The following RASEF variants were observed in gnomAD, a reference collection of about 807,000 sequenced individuals.
RASEF encodes the protein RAS and EF-hand domain containing.
Under a neutral mutation model 90.1 loss-of-function variants are expected in RASEF, and 68 were observed. The ratio of observed to expected loss-of-function variants is 0.75; its 90% CI spans 0.62 to 0.92. RASEF has a LOEUF of 0.92. Among genes scored for constraint, RASEF ranks in the 40% least tolerant of loss-of-function variants. RASEF has a pLI of 0.00. For missense variants in RASEF, 949 were observed against 937.2 expected (o/e 1.01, Z -0.16); for synonymous variants, 331 against 345.2 (o/e 0.96, Z 0.46).
intron 1 of RASEF, among the ~76,000 whole-genome samples, chr9:83,042,627 C>T (rs921486452): frequency 1.3e-5 from 2 of 151,974 alleles, no homozygotes; most frequent in Admixed American, 1.3e-4. Flanking sequence ...AAAAATGGAA[C>T]AGGAGTAAAA....
chr9:83,087,009 T>G, the RASEF span, among the ~76,000 whole-genome samples: 3 of 152,102 alleles, frequency 2.0e-5, no homozygotes, highest in African/African-American at 4.8e-5. Flanking sequence ...GGAAGTTGGC[T>G]GCGAAAAAGG....
At chr9:83,048,219 C>A (rs950183697) in intron 1 of RASEF, 1 of 985,154 alleles carries the variant, frequency 1.0e-6, no homozygotes, top group African/African-American at 1.7e-5. Flanking sequence ...TGACAGGGAC[C>A]GGCAGTCCTA....
chr9:83,020,396 A>G (rs1021037032), intron 3 of RASEF, among the ~76,000 whole-genome samples: 2 of 152,228 alleles, frequency 1.3e-5, no homozygotes, highest in African/African-American at 4.8e-5. Flanking sequence ...GTGGAATGGA[A>G]GGAAATGAGG....
the RASEF span, among the ~76,000 whole-genome samples, chr9:83,195,479 T>G: frequency 6.6e-6 from 1 of 152,130 alleles, no homozygotes; most frequent in East Asian, 1.9e-4. Flanking sequence ...AGTCAACCCA[T>G]CATTCACTCA....
At position 83,055,500 on chromosome 9, in the gene RASEF, G is replaced by A. The variant is rs770388080; in HGVS notation, c.431+6937C>T. 1.7e-4 allele frequency: 118 copies of A among 688,010 alleles called. 2 individuals carry two copies. Among genetic ancestry groups the A allele is most frequent in the Middle Eastern group, 1.2e-3 (5 of 4,276 alleles). The allele number at this position is 688,010 out of a possible 1,614,324, so 42.6% of individuals were successfully genotyped here. A position where few individuals can be genotyped will look rare whatever the true frequency, so the allele number is the denominator to read the frequency against. ...TCAGATGGAAATGCAGAAATCACCC[G>A]TCTTCTGCGTCGCTCACGCTGGGAG... is the stretch of plus-strand genomic sequence containing the variant. On this transcript the variant is annotated intron_variant, in intron 1 of 16. Transcript: ENST00000376447.
the RASEF span, among the ~76,000 whole-genome samples, chr9:83,074,841 C>A: frequency 6.6e-6 from 1 of 152,184 alleles, no homozygotes; most frequent in African/African-American, 2.4e-5. Flanking sequence ...TGCTAAGGAA[C>A]CTTCTTATTT....
intron 2 of RASEF, among the ~76,000 whole-genome samples, chr9:83,024,301 C>T (rs953933229): frequency 2.0e-5 from 3 of 152,098 alleles, no homozygotes; most frequent in African/African-American, 7.2e-5. Flanking sequence ...AGCAGCCTAG[C>T]TGGTAATGAG....
intron 2 of RASEF, among the ~76,000 whole-genome samples, chr9:83,023,781 C>T (rs541209858): frequency 6.6e-6 from 1 of 152,268 alleles, no homozygotes; most frequent in East Asian, 1.9e-4. Flanking sequence ...GGCACATATC[C>T]TTTCTCCCTC....
chr9:83,092,363 C>T, the RASEF span, among the ~76,000 whole-genome samples: 1 of 152,138 alleles, frequency 6.6e-6, no homozygotes, highest in African/African-American at 2.4e-5. Flanking sequence ...CTTAAGGTGG[C>T]GCATCTGGAG....
chr9:82,989,176 C>T (rs1279903142), intron 16 of RASEF, among the ~76,000 whole-genome samples: 2 of 152,068 alleles, frequency 1.3e-5, no homozygotes, highest in African/African-American at 2.4e-5. Context: ...TTATTAAGCA[C>T]TATAAATGCC....
At chr9:83,185,351 TTC>T in the RASEF span, among the ~76,000 whole-genome samples, 4 of 93,930 alleles carry the variant, frequency 4.3e-5, no homozygotes, top group South Asian at 8.1e-4. Flanking sequence ...CTTTCTTTCT[TTC>T]TTTTTTTTTT....
chr9:83,097,251 A>T, the RASEF span, among the ~76,000 whole-genome samples: 15 of 152,202 alleles, frequency 9.9e-5, no homozygotes, highest in Admixed American at 9.8e-4. Context: ...TCCCACCAAC[A>T]GTGTAAAAAT....
At chr9:83,077,957 G>T in the RASEF span, among the ~76,000 whole-genome samples, 1 of 152,158 alleles carries the variant, frequency 6.6e-6, no homozygotes, top group African/African-American at 2.4e-5. Context: ...ATCCCCTTAA[G>T]CAAATGTTTA....
the RASEF span, among the ~76,000 whole-genome samples, chr9:83,136,188 T>A: frequency 6.6e-6 from 1 of 152,130 alleles, no homozygotes; most frequent in Non-Finnish European, 1.5e-5. Flanking sequence ...TTGTCTTCTA[T>A]GAACTTATAG....
At chr9:83,191,161 AC>A in the RASEF span, among the ~76,000 whole-genome samples, 1 of 152,164 alleles carries the variant, frequency 6.6e-6, no homozygotes, top group Non-Finnish European at 1.5e-5. Context: ...TATCCCTGCT[AC>A]CTCAAAGAAG....
intron 1 of RASEF, among the ~76,000 whole-genome samples, chr9:83,041,283 G>C (rs1192963679): frequency 6.6e-6 from 1 of 152,104 alleles, no homozygotes. Flanking sequence ...TTATATATGT[G>C]ATATTATTTG....
upstream of RASEF, among the ~76,000 whole-genome samples, chr9:83,064,400 A>G (rs1456402432): frequency 6.6e-6 from 1 of 151,924 alleles, no homozygotes; most frequent in East Asian, 1.9e-4. Flanking sequence ...GAATCTTATC[A>G]TTAGTGCAAT....
At chr9:83,066,337 A>G (rs1022436071), upstream of RASEF, among the ~76,000 whole-genome samples, 1 of 152,194 alleles carries the variant, frequency 6.6e-6, no homozygotes, top group Admixed American at 6.5e-5. Context: ...TTGCATTGTG[A>G]CCTGCCACTC....
chr9:82,990,570 T>C (rs1828795204), intron 15 of RASEF, 103 bp from the exon 16 acceptor site: 6 of 743,196 alleles, frequency 8.1e-6, no homozygotes, highest in South Asian at 3.7e-5. Context: ...CTACTGAGCA[T>C]GCTAAGAGTA....
Sources: allele counts gnomAD v4.1 joint callset (sites outside exome capture counted in the v4.1 genomes callset), GRCh38; gene constraint gnomAD v4.1.1; transcripts MANE v1.5; gene names NCBI Gene and HGNC (gene_info 2026-07-23, HGNC 2026-07-21).